DHTKD1: variants seen among roughly 807,000 people sequenced by gnomAD.
The protein encoded by DHTKD1 is 2-oxoadipate dehydrogenase complex component E1.
Under a neutral mutation model 101.8 loss-of-function variants are expected in DHTKD1, and 78 were observed. The observed-to-expected ratio is 0.77, with a 90% CI of 0.64 to 0.93. The LOEUF (loss-of-function observed/expected upper bound fraction) is 0.93, where lower values mean the gene tolerates loss of function less well. Among genes scored for constraint, DHTKD1 ranks in the 40% least tolerant of loss-of-function variants. The pLI, the probability that DHTKD1 is intolerant of heterozygous loss-of-function variation, is 0.00. For synonymous variants in DHTKD1, 462 were observed against 450.3 expected, an observed-to-expected ratio of 1.03 and a Z score of -0.33; for missense variants, 1,223 against 1,161.7, an observed-to-expected ratio of 1.05 and a Z score of -0.77.
chr10:12,115,397 T>G (rs1355301552), intron 13 of DHTKD1, among the ~76,000 whole-genome samples: 1 of 152,134 alleles, frequency 6.6e-6, no homozygotes, highest in Non-Finnish European at 1.5e-5. Flanking sequence ...ATGCCTGGCC[T>G]CGTTGTTTTA....
rs1412941541 is a variant in DHTKD1 at position 12,107,770 on chromosome 10, A to G, written c.2048-139A>G. On this transcript the variant is annotated intron_variant, in intron 11 of 16. Transcript: ENST00000263035. The surrounding 1 kb of genome is among the most constrained non-coding windows in gnomAD (Gnocchi z 4.1). ...GACATTTCCCTAAGTATAGCATAAC[A>G]GTTCTAGAAGGTGCATGTAATGAAA... 2 of 610,516 alleles carry G rather than the reference A, an allele frequency of 3.3e-6. No homozygotes were observed. Among genetic ancestry groups the G allele is most frequent in the Non-Finnish European group, 5.9e-6 (2 of 339,552 alleles). The allele number at this position is 610,516 out of a possible 1,614,324, so 37.8% of individuals were successfully genotyped here.
At chr10:12,090,263 C>T (rs1020254685) in intron 5 of DHTKD1, among the ~76,000 whole-genome samples, 2 of 151,918 alleles carry the variant, frequency 1.3e-5, no homozygotes, top group African/African-American at 4.8e-5. Flanking sequence ...TTGTAAATGC[C>T]ACGTTATCCT....
intron 1 of DHTKD1, among the ~76,000 whole-genome samples, chr10:12,072,049 A>G (rs1223831752): frequency 6.6e-6 from 1 of 152,162 alleles, no homozygotes; most frequent in Non-Finnish European, 1.5e-5. Context: ...GTGCAGTCAC[A>G]GCTCACTTCA....
At position 12,091,546 on chromosome 10, in the gene DHTKD1, A is replaced by T. The variant is rs1334215688; in HGVS notation, c.1021A>T (p.Ile341Phe). ...TGATGCTTCTTTCTGTGGTCAAGGG[A>T]TTGTTCCTGAAACATTCACGCTGTC... ...HGDASFCGQG[I>F]VPETFTLSNL... The change falls in exon 6 of 17, where the codon ATT (isoleucine) becomes TTT (phenylalanine). Residue 341 changes from isoleucine (I) to phenylalanine (F), a missense_variant. Transcript: ENST00000263035. The T allele has an allele frequency of 6.2e-7, 1 of 1,611,144 alleles. No individual in the cohort carries two copies.
rs139836411 is a variant in DHTKD1, at chr10:12,101,054, G to T, written c.1769G>T (p.Arg590Leu). Residue 590 changes from arginine to leucine, a missense_variant, in exon 10 of 17, where the codon CGT (arginine) becomes CTT (leucine). Physicochemically the swap from Arg to Leu is moderately radical, Grantham distance 102. Coordinates refer to ENST00000263035, the MANE Select transcript of DHTKD1 (RefSeq NM_018706.7). Reference protein sequence around the residue: ...GSLLAQGFNVRLSGQDVGRGT... With the variant: ...GSLLAQGFNVLLSGQDVGRGT... Reference sequence around the variant, plus strand: ...TTGCTTGCTTAAGGTTTTAATGTTCGTCTAAGTGGCCAAGATGTTGGTCGT... The same window carrying T: ...TTGCTTGCTTAAGGTTTTAATGTTCTTCTAAGTGGCCAAGATGTTGGTCGT... 186 of 1,613,452 alleles carry T rather than the reference G, an allele frequency of 1.2e-4. No homozygotes were observed. The highest frequency in any genetic ancestry group is 1.5e-4 in the Non-Finnish European group (179 of 1,179,910).
intron 2 of DHTKD1, among the ~76,000 whole-genome samples, chr10:12,082,750 G>A (rs1479277433): frequency 6.6e-6 from 1 of 151,842 alleles, no homozygotes; most frequent in East Asian, 1.9e-4. Flanking sequence ...TGGCTCAGTT[G>A]GAATATAGTG....
chr10:12,069,708 T>TTC (rs1554789889), intron 1 of DHTKD1, among the ~76,000 whole-genome samples: 7 of 139,002 alleles, frequency 5.0e-5, no homozygotes, highest in Non-Finnish European at 9.4e-5. Context: ...TTTTTTTTTT[T>TTC]TTCATTTTTA....
intron 3 of DHTKD1, among the ~76,000 whole-genome samples, chr10:12,086,231 T>C (rs1051364127): frequency 3.4e-5 from 5 of 148,426 alleles, no homozygotes; most frequent in African/African-American, 1.2e-4. Context: ...CTTTTCTTTT[T>C]TTTTTTTTTG....
At chr10:12,117,114 C>T (rs539304058) in intron 13 of DHTKD1, among the ~76,000 whole-genome samples, 101 of 151,874 alleles carry the variant, frequency 6.7e-4, no homozygotes, top group African/African-American at 2.1e-3. Flanking sequence ...GCAATTCTCC[C>T]GCCTCAGCCT....
At chr10:12,111,435 G>A (rs1833328351) in intron 12 of DHTKD1, among the ~76,000 whole-genome samples, 1 of 152,230 alleles carries the variant, frequency 6.6e-6, no homozygotes, top group Non-Finnish European at 1.5e-5. Flanking sequence ...CAAAGTGCTA[G>A]GATTTCAGGC....
intron 13 of DHTKD1, 84 bp from the exon 14 acceptor site, chr10:12,117,589 C>T: frequency 1.2e-6 from 1 of 823,396 alleles, no homozygotes; most frequent in Non-Finnish European, 2.1e-6. Context: ...AACTTTGGTA[C>T]TCGTGTTTGA....
chr10:12,120,202 G>A lies in DHTKD1; in HGVS notation c.2593G>A (p.Glu865Lys). 5 of 1,613,898 alleles carry A rather than the reference G, an allele frequency of 3.1e-6. No individual in the cohort carries two copies. Among genetic ancestry groups the A allele is most frequent in the Non-Finnish European group, 4.2e-6 (5 of 1,179,836 alleles). The change falls in exon 16 of 17, where the codon GAA becomes AAA. Residue 865 changes from glutamate to lysine, a missense_variant. Coordinates refer to ENST00000263035, the MANE Select transcript of DHTKD1 (RefSeq NM_018706.7). ...CATAGATCATATTTGGAGTCAGGAG[G>A]AACCTCAGAACATGGGTCCGTGGTC... The part of the protein sequence containing the change: ...HVKDHIWSQE[E>K]PQNMGPWSFV...
intron 1 of DHTKD1, among the ~76,000 whole-genome samples, chr10:12,075,753 C>A (rs1832717130): frequency 6.6e-6 from 1 of 151,884 alleles, no homozygotes; most frequent in South Asian, 2.1e-4. Flanking sequence ...TTCTATCCTT[C>A]CAGGGAAAAA....
At chr10:12,075,805 A>T (rs1277032630) in intron 1 of DHTKD1, among the ~76,000 whole-genome samples, 3 of 152,190 alleles carry the variant, frequency 2.0e-5, no homozygotes, top group Admixed American at 1.3e-4. Flanking sequence ...TAAAGGTAAT[A>T]CAGTTGAAGT....
Position 12,097,817 on chromosome 10 carries a change from T to C in DHTKD1, c.1492T>C (p.Tyr498His). 2 of 1,614,220 alleles carry C rather than the reference T, an allele frequency of 1.2e-6. No homozygotes were observed. Among genetic ancestry groups the C allele is most frequent in the Non-Finnish European group, 1.7e-6 (2 of 1,180,024 alleles). The change falls in exon 8 of 17, where the codon TAC becomes CAC. Residue 498 changes from tyrosine to histidine, a missense_variant. Coordinates refer to ENST00000263035, the MANE Select transcript of DHTKD1 (RefSeq NM_018706.7). ...LNDHLNNMAHYRPPALNLQAH... is the reference protein window; with the variant it reads ...LNDHLNNMAHHRPPALNLQAH... ...TGATCACTTAAATAACATGGCCCAC[T>C]ACAGGCCCCCTGCCCTGAACCTGCA...
chr10:12,118,165 C>T (rs568631201), intron 14 of DHTKD1, among the ~76,000 whole-genome samples: 1 of 152,146 alleles, frequency 6.6e-6, no homozygotes, highest in South Asian at 2.1e-4. Context: ...GCTGGGATTG[C>T]AGGCGTGAGC....
chr10:12,096,402 T>C (rs949343108), intron 7 of DHTKD1, among the ~76,000 whole-genome samples: 2 of 152,218 alleles, frequency 1.3e-5, no homozygotes, highest in Non-Finnish European at 2.9e-5. Context: ...ATTTATTTTT[T>C]TGAGACACGG....
intron 1 of DHTKD1, among the ~76,000 whole-genome samples, chr10:12,075,486 C>T (rs534270418): frequency 1.6e-4 from 25 of 152,164 alleles, no homozygotes; most frequent in African/African-American, 5.1e-4. Context: ...GTGATCCGTC[C>T]GCCTCGGTCT....
At chr10:12,100,288 T>TTTTTTTTTG in intron 9 of DHTKD1, 26 bp downstream of exon 9, 1 of 698,810 alleles carries the variant, frequency 1.4e-6, no homozygotes, top group Non-Finnish European at 2.1e-6. Context: ...TTTTTTTCTG[T>TTTTTTTTTG]TTTTTTTTTT....
Sources: allele counts gnomAD v4.1 joint callset (sites outside exome capture counted in the v4.1 genomes callset), GRCh38; gene constraint gnomAD v4.1.1; non-coding constraint Gnocchi (gnomAD v3.1); transcripts MANE v1.5; gene names NCBI Gene and HGNC (gene_info 2026-07-23, HGNC 2026-07-21).